The following AAMP variants were observed in gnomAD, a reference collection of about 807,000 sequenced individuals.
AAMP encodes angio associated migratory cell protein, also known as angio-associated migratory cell protein.
AAMP carries 12 observed loss-of-function variants against 51.1 expected under a neutral mutation model. The observed-to-expected ratio is 0.23, with a 90% CI of 0.15 to 0.38. The LOEUF is 0.38. Among genes scored for constraint, AAMP ranks in the 10% least tolerant of loss-of-function variants. The pLI is 1.00. For synonymous variants in AAMP, 210 were observed against 218.7 expected (o/e 0.96, Z 0.35); for missense variants, 418 against 557.2 (o/e 0.75, Z 2.52).
intron 1 of AAMP, 39 bp downstream of exon 1, chr2:218,269,927 C>T: frequency 6.2e-7 from 1 of 1,613,016 alleles, no homozygotes; most frequent in African/African-American, 1.3e-5. Context: ...CAGGGGTGAG[C>T]GTCTCCTGTC....
Position 218,264,537 on chromosome 2 carries a change from C to G in AAMP, c.1301G>C (p.Arg434Pro), listed in dbSNP as rs772145260. The G allele has an allele frequency of 1.2e-6, 2 of 1,613,874 alleles. No individual in the cohort carries two copies. The highest frequency in any genetic ancestry group is 1.7e-5 in the Admixed American group (1 of 60,010). The part of the protein sequence containing the change: ...AKVFCVQRPD[R>P] The stretch of plus-strand genomic sequence containing the variant: ...CACAGGCAGGGGCTGCAGCCATTAA[C>G]GGTCAGGCCTTTGGACACAAAATAC... The change falls in exon 11 of 11, where the codon CGT (arginine) becomes CCT (proline). Residue 434 changes from arginine (R) to proline (P), a missense_variant. By Grantham distance (103) the Arg-to-Pro change is moderately radical. Transcript: ENST00000248450.
At chr2:218,269,789 A>C in intron 1 of AAMP, 177 bp downstream of exon 1, 1 of 1,102,778 alleles carries the variant, frequency 9.1e-7, no homozygotes, top group Non-Finnish European at 1.3e-6. Context: ...GGCGTCAGGG[A>C]ACCCCCACCC....
rs150748826 is a variant in AAMP, at chr2:218,265,087, G to C, written c.1162C>G (p.Arg388Gly). Residue 388 changes from arginine (R) to glycine (G), a missense_variant, in exon 10 of 11, where the codon CGG (arginine) becomes GGG (glycine). Physicochemically the swap from Arg to Gly is moderately radical, Grantham distance 125. Coordinates refer to ENST00000248450, the MANE Select transcript of AAMP (RefSeq NM_001087.5). This position sits in a 1 kb window ranked among gnomAD's most constrained non-coding sequence, Gnocchi z 6.6. ...TAGTCAGTAAGCAGGCGGCCGGTCC[G>C]GGCGTCCCAGAGGCGCACGATGCCA... ...LDGIVRLWDARTGRLLTDYRG... is the reference protein window; with the variant it reads ...LDGIVRLWDAGTGRLLTDYRG... 3 of 1,613,590 alleles carry C rather than the reference G, an allele frequency of 1.9e-6. No homozygotes were observed. Among genetic ancestry groups the C allele is most frequent in the Admixed American group, 1.7e-5 (1 of 60,022 alleles).
rs139365594 is a variant in AAMP at position 218,267,677 on chromosome 2, A to T, written c.275-64T>A. ...TCCCACCTAGGGCTCTGTCCTTCAC[A>T]ATCTTCAGGAAACCCACCCCCTTTC... On this transcript the variant is annotated intron_variant, in intron 2 of 10. Coordinates refer to ENST00000248450, the MANE Select transcript of AAMP (RefSeq NM_001087.5). The surrounding 1 kb of genome is among the most constrained non-coding windows in gnomAD (Gnocchi z 4.6). The T allele has an allele frequency of 9.9e-5, 157 of 1,589,386 alleles. No homozygotes were observed. The highest frequency in any genetic ancestry group is 1.1e-4 in the Non-Finnish European group (128 of 1,160,910).
Position 218,267,485 on chromosome 2 carries a change from C to A in AAMP, c.394+9G>T, listed in dbSNP as rs193189877. On this transcript the variant is annotated intron_variant, in intron 3 of 10. Coordinates refer to ENST00000248450, the MANE Select transcript of AAMP (RefSeq NM_001087.5). This position sits in a 1 kb window ranked among gnomAD's most constrained non-coding sequence, Gnocchi z 4.6. ...GACCTCTCCCAGGCCTCTACCCCAG[C>A]CCCCTCACCTGCACACTCAAAGAGC... The A allele has an allele frequency of 4.1e-5, 66 of 1,613,916 alleles. No homozygotes were observed. The highest frequency in any genetic ancestry group is 1.7e-4 in the Middle Eastern group (1 of 6,054).
chr2:218,265,199 G>C lies in AAMP; in HGVS notation c.1075-25C>G. On this transcript the variant is annotated intron_variant, in intron 9 of 10. Transcript: ENST00000248450. The surrounding 1 kb of genome is among the most constrained non-coding windows in gnomAD (Gnocchi z 6.6). The stretch of plus-strand genomic sequence containing the variant: ...ACTGCCCCGAGGAATGACAGAGGCA[G>C]GGCGGAGGTTGGCAGGAGAGCTGAG... 6.4e-7 allele frequency: 1 copy of C among 1,571,544 alleles called. No homozygotes were observed. The highest frequency in any genetic ancestry group is 8.6e-7 in the Non-Finnish European group (1 of 1,158,826).
In AAMP at chr2:218,265,299, G is replaced by A. The variant is rs1022340010; in HGVS notation, c.1074+72C>T. 31 of 1,534,582 alleles carry A rather than the reference G, an allele frequency of 2.0e-5. No individual in the cohort carries two copies. The African/African-American group carries it at 2.1e-4, about 10-fold the overall frequency. On this transcript the variant is annotated intron_variant, in intron 9 of 10. Transcript: ENST00000248450. This position sits in a 1 kb window ranked among gnomAD's most constrained non-coding sequence, Gnocchi z 6.6. ...GGCAGGAGCCAGATCTGGGGTAGAT[G>A]CTCCTGGAGGCCTGGGCTTCCCCAC...
At position 218,265,143 on chromosome 2, in the gene AAMP, C is replaced by A; in HGVS notation, c.1106G>T (p.Gly369Val). The A allele has an allele frequency of 1.3e-6, 2 of 1,599,278 alleles. No individual in the cohort carries two copies. Among genetic ancestry groups the A allele is most frequent in the Non-Finnish European group, 1.7e-6 (2 of 1,172,308 alleles). The change falls in exon 10 of 11, where the codon GGC becomes GTC. Residue 369 changes from glycine (G) to valine (V), a missense_variant. Physicochemically the swap from Gly to Val is moderately radical, Grantham distance 109. Transcript: ENST00000248450. The surrounding 1 kb of genome is among the most constrained non-coding windows in gnomAD (Gnocchi z 6.6). ...SGIVQLLWEA[G>V]TAVVYTCSLD... ...GCTGCAGGTATATACCACGGCAGTG[C>A]CTGCCTCCCACAGCAGCTGCACGAT...
rs1690626807 is a variant in AAMP at position 218,266,307 on chromosome 2, G to A, written c.679+136C>T. ...AGGAAGGAGGCGCTGTGAACTTTGG[G>A]GCCCAGGAGGTCAGCACTGCAAACA... On this transcript the variant is annotated intron_variant, in intron 5 of 10. Transcript: ENST00000248450. This position sits in a 1 kb window ranked among gnomAD's most constrained non-coding sequence, Gnocchi z 4.7. The A allele has an allele frequency of 7.2e-7, 1 of 1,383,918 alleles. No individual in the cohort carries two copies. 85.7% of individuals were successfully genotyped at this position (1,383,918 alleles called of 1,614,324 possible). A position where few individuals can be genotyped will look rare whatever the true frequency, so the allele number is the denominator to read the frequency against.
chr2:218,269,741 T>C, intron 1 of AAMP: 1 of 1,016,262 alleles, frequency 9.8e-7, no homozygotes, highest in Non-Finnish European at 1.4e-6. Flanking sequence ...GCCAAGGGGA[T>C]GATGGGAAGG....
In AAMP at chr2:218,265,647, G is replaced by C. The variant is rs1324318506; in HGVS notation, c.915C>G (p.Ser305=). ...VGVFRPETVA[S]QPSLGEGEES... is the part of the protein sequence containing the mutation. ...CCTCCCCTTCTCCCAGGCTGGGCTG[G>C]GAGGCCACAGTCTCAGGTCTAAAAA... is the stretch of plus-strand genomic sequence containing the variant. The change falls in exon 8 of 11, where the codon TCC becomes TCG. Residue 305 remains serine (S), a synonymous_variant. Coordinates refer to ENST00000248450, the MANE Select transcript of AAMP (RefSeq NM_001087.5). This position sits in a 1 kb window ranked among gnomAD's most constrained non-coding sequence, Gnocchi z 6.6. The C allele has an allele frequency of 6.2e-7, 1 of 1,613,676 alleles. No homozygotes were observed. Among genetic ancestry groups the C allele is most frequent in the African/African-American group, 1.3e-5 (1 of 75,038 alleles).
Position 218,264,399 on chromosome 2 carries a change from A to T in AAMP, c.*134T>A. On this transcript the variant is annotated 3_prime_UTR_variant, in exon 11 of 11. Coordinates refer to ENST00000248450, the MANE Select transcript of AAMP (RefSeq NM_001087.5). ...GAAGAAAAGGAGAGGGGAGCAAGTC[A>T]GTTGAAGAGGCTGGAAAGTCATCCA... 1 of 829,416 alleles carries T rather than the reference A, an allele frequency of 1.2e-6. No individual in the cohort carries two copies. The highest frequency in any genetic ancestry group is 1.5e-5 in the South Asian group (1 of 67,022). 51.4% of individuals were successfully genotyped at this position (829,416 alleles called of 1,614,324 possible). A position where few individuals can be genotyped will look rare whatever the true frequency, so the allele number is the denominator to read the frequency against.
chr2:218,269,352 G>A, intron 2 of AAMP, 30 bp downstream of exon 2: 2 of 1,612,422 alleles, frequency 1.2e-6, no homozygotes, highest in Non-Finnish European at 1.7e-6. Flanking sequence ...CACCTAAACT[G>A]ATTTGAGGTG....
chr2:218,266,813 C>T lies in AAMP; in HGVS notation c.534+34G>A. On this transcript the variant is annotated intron_variant, in intron 4 of 10. Transcript: ENST00000248450. The surrounding 1 kb of genome is among the most constrained non-coding windows in gnomAD (Gnocchi z 4.7). ...GCTTGCACCCCCAACAACCCAAGGC[C>T]CCACAGAGCTGACTCCCGCTCTGAT... is the stretch of plus-strand genomic sequence containing the variant. The T allele has an allele frequency of 6.2e-7, 1 of 1,612,186 alleles. No homozygotes were observed. Among genetic ancestry groups the T allele is most frequent in the Non-Finnish European group, 8.5e-7 (1 of 1,179,200 alleles).
Position 218,267,875 on chromosome 2 carries a change from G to A in AAMP, c.275-262C>T, listed in dbSNP as rs1690671432. 6.6e-6 allele frequency among the ~76,000 whole-genome samples: 1 copy of A among 152,322 alleles called. No homozygotes were observed. The highest frequency in any genetic ancestry group is 1.5e-5 in the Non-Finnish European group (1 of 68,006). Reference sequence around the variant, plus strand: ...CCAACACCAATGCCATGGACAAGAGGTGGGGACAGGTGCAGGGCTTACAGT... The same window carrying A: ...CCAACACCAATGCCATGGACAAGAGATGGGGACAGGTGCAGGGCTTACAGT... On this transcript the variant is annotated intron_variant, in intron 2 of 10. Transcript: ENST00000248450. This position sits in a 1 kb window ranked among gnomAD's most constrained non-coding sequence, Gnocchi z 4.6.
rs953371781 is a variant in AAMP at position 218,266,711 on chromosome 2, T to C, written c.535-124A>G. On this transcript the variant is annotated intron_variant, in intron 4 of 10. Coordinates refer to ENST00000248450, the MANE Select transcript of AAMP (RefSeq NM_001087.5). The surrounding 1 kb of genome is among the most constrained non-coding windows in gnomAD (Gnocchi z 4.7). Reference sequence around the variant, plus strand: ...CCGCGGGGACTTTCCAGGTAGCAGGTAGATATTCTTCCTGTGCCTTGGGGC... The same window carrying C: ...CCGCGGGGACTTTCCAGGTAGCAGGCAGATATTCTTCCTGTGCCTTGGGGC... 22 of 1,543,790 alleles carry C rather than the reference T, an allele frequency of 1.4e-5. No individual in the cohort carries two copies. The highest frequency in any genetic ancestry group is 6.8e-5 in the East Asian group (3 of 44,226).
In AAMP at chr2:218,269,747, G is replaced by T. The variant is rs906931591; in HGVS notation, c.122-213C>A. 3.0e-6 allele frequency: 3 copies of T among 1,007,808 alleles called. No individual in the cohort carries two copies. In the African/African-American group the frequency reaches 4.8e-5, roughly 16 times the overall value. 62.4% of individuals were successfully genotyped at this position (1,007,808 alleles called of 1,614,324 possible). A position where few individuals can be genotyped will look rare whatever the true frequency, so the allele number is the denominator to read the frequency against. ...TAAGGGAGGGCCAAGGGGATGATGG[G>T]AAGGGGGTGTGTGAGGGGAAGGGCC... On this transcript the variant is annotated intron_variant, in intron 1 of 10. Transcript: ENST00000248450.
chr2:218,264,882 C>T, intron 10 of AAMP, 138 bp downstream of exon 10: 1 of 1,393,552 alleles, frequency 7.2e-7, no homozygotes, highest in Non-Finnish European at 1.0e-6. Flanking sequence ...GGAATGGGGG[C>T]TGGGCTGTGA....
intron 2 of AAMP, among the ~76,000 whole-genome samples, chr2:218,268,640 C>G (rs902785988): frequency 6.6e-6 from 1 of 151,896 alleles, no homozygotes. Flanking sequence ...CCGCACCTGG[C>G]CAATTATCTC....
Sources: allele counts gnomAD v4.1 joint callset (sites outside exome capture counted in the v4.1 genomes callset), GRCh38; gene constraint gnomAD v4.1.1; non-coding constraint Gnocchi (gnomAD v3.1); transcripts MANE v1.5; gene names NCBI Gene and HGNC (gene_info 2026-07-23, HGNC 2026-07-21).